The following ASXL2 variants were observed in gnomAD, a reference collection of about 807,000 sequenced individuals.
The protein encoded by ASXL2 is putative Polycomb group protein ASXL2.
Under a neutral mutation model 122.0 loss-of-function variants are expected in ASXL2, and 23 were observed. The ratio of observed to expected loss-of-function variants is 0.19; its 90% CI spans 0.14 to 0.27. The LOEUF (loss-of-function observed/expected upper bound fraction) is 0.27. Ranked by LOEUF, ASXL2 falls within the 10% of genes least tolerant of loss-of-function variation. ASXL2 has a pLI of 1.00. For missense variants in ASXL2, 1,518 were observed against 1,713.8 expected (o/e 0.89, Z 2.02); for synonymous variants, 650 against 637.0 (o/e 1.02, Z -0.31).
At chr2:25,845,342 G>T in intron 2 of ASXL2, 139 bp downstream of exon 2, 1 of 1,357,618 alleles carries the variant, frequency 7.4e-7, no homozygotes, top group Non-Finnish European at 1.0e-6. Flanking sequence ...CTTAAAAAAT[G>T]CCAAAGATCT....
chr2:25,771,503 G>A lies in ASXL2; in HGVS notation c.441C>T (p.Pro147=), dbSNP rs763296030. The A allele has an allele frequency of 1.9e-6, 3 of 1,613,820 alleles. 1 individual carries two copies. In the South Asian group the frequency reaches 3.3e-5, roughly 18 times the overall value. ...SSSPQSGCPS[P]TIPAGKVISP... is the part of the protein sequence containing the mutation. ...AAATGACTTTACCTGCTGGAATGGTGGGTGATGGGCAGCCTGACTGCGGGG... is the reference window on the plus strand; with the variant it reads ...AAATGACTTTACCTGCTGGAATGGTAGGTGATGGGCAGCCTGACTGCGGGG... Residue 147 remains proline (P), a synonymous_variant, in exon 6 of 13, where the codon CCC becomes CCT. Coordinates refer to ENST00000435504, the MANE Select transcript of ASXL2 (RefSeq NM_018263.6).
intron 5 of ASXL2, among the ~76,000 whole-genome samples, chr2:25,777,209 T>C (rs2088559932): frequency 6.6e-6 from 1 of 152,122 alleles, no homozygotes; most frequent in African/African-American, 2.4e-5. Context: ...TACCTTCGCC[T>C]CCTGAGTAGC....
chr2:25,745,618 G>C (rs1225032066), intron 12 of ASXL2, among the ~76,000 whole-genome samples: 1 of 146,570 alleles, frequency 6.8e-6, no homozygotes, highest in East Asian at 2.0e-4. Context: ...ATGTCTATCA[G>C]GTTTGAAACC....
At chr2:25,796,577 C>T (rs768775504) in intron 5 of ASXL2, among the ~76,000 whole-genome samples, 9 of 152,170 alleles carry the variant, frequency 5.9e-5, no homozygotes, top group Non-Finnish European at 1.2e-4. Flanking sequence ...TATTCCCTAA[C>T]GAAAGCTTTT....
rs576602830 is a variant in ASXL2 at position 25,822,906 on chromosome 2, G to GA, written c.143+12631dup. 386 of 542,710 alleles carry GA rather than the reference G, an allele frequency of 7.1e-4. 2 individuals are homozygous for GA. The highest frequency in any genetic ancestry group is 6.9e-3 in the African/African-American group (361 of 52,178). The allele number at this position is 542,710 out of a possible 1,614,324, so 33.6% of individuals were successfully genotyped here. ...ACCAGAAGTAGATGGAGCAGGTGAT[G>GA]ATTCACAAGACAGCGATGATGAAAA... is the stretch of plus-strand genomic sequence containing the variant. On this transcript the variant is annotated intron_variant, in intron 3 of 12. Transcript: ENST00000435504.
chr2:25,781,719 G>C (rs1187888267), intron 5 of ASXL2, among the ~76,000 whole-genome samples: 2 of 147,430 alleles, frequency 1.4e-5, no homozygotes, highest in Admixed American at 6.8e-5. Context: ...GCCTAGGCTG[G>C]AGTGCAGTGG....
At chr2:25,804,601 C>G (rs529234133) in intron 4 of ASXL2, among the ~76,000 whole-genome samples, 12 of 152,328 alleles carry the variant, frequency 7.9e-5, no homozygotes, top group African/African-American at 1.2e-4. Flanking sequence ...ATGATGTCAA[C>G]TGAGTTCCTG....
intron 1 of ASXL2, among the ~76,000 whole-genome samples, chr2:25,876,736 T>C (rs907717139): frequency 6.6e-5 from 10 of 152,186 alleles, no homozygotes; most frequent in Admixed American, 2.6e-4. Context: ...GGGAAACTAC[T>C]AGCACAGGAA....
At chr2:25,858,206 G>C (rs2089803012) in intron 1 of ASXL2, among the ~76,000 whole-genome samples, 1 of 152,102 alleles carries the variant, frequency 6.6e-6, no homozygotes, top group Non-Finnish European at 1.5e-5. Flanking sequence ...TTAGCTTACA[G>C]ATACAAACAA....
intron 2 of ASXL2, among the ~76,000 whole-genome samples, chr2:25,841,844 G>A (rs1048687634): frequency 2.6e-5 from 4 of 152,054 alleles, no homozygotes; most frequent in African/African-American, 9.7e-5. Flanking sequence ...CTACTCGGGA[G>A]GCTGAGGCAG....
chr2:25,751,796 T>C (rs997516302), intron 11 of ASXL2, among the ~76,000 whole-genome samples: 1 of 152,134 alleles, frequency 6.6e-6, no homozygotes, highest in African/African-American at 2.4e-5. Flanking sequence ...CTCTTTTTTT[T>C]TTTGAGACAA....
intron 2 of ASXL2, among the ~76,000 whole-genome samples, chr2:25,842,154 T>C (rs1200075114): frequency 6.7e-6 from 1 of 149,696 alleles, no homozygotes; most frequent in South Asian, 2.1e-4. Context: ...CACAGAACAC[T>C]ACAACAAACT....
intron 1 of ASXL2, among the ~76,000 whole-genome samples, chr2:25,876,268 A>T (rs2090009137): frequency 6.6e-6 from 1 of 152,242 alleles, no homozygotes; most frequent in Admixed American, 6.5e-5. Context: ...TAGCTAGGGC[A>T]TGAAATGAGC....
rs754127410 is a variant in ASXL2, at chr2:25,742,611, A to T, written c.3726T>A (p.Thr1242=). 33 of 1,613,950 alleles carry T rather than the reference A, an allele frequency of 2.0e-5. No homozygotes were observed. The highest frequency in any genetic ancestry group is 2.7e-5 in the Non-Finnish European group (32 of 1,179,900). The change falls in exon 13 of 13, where the codon ACT becomes ACA. Residue 1242 remains threonine (T), a synonymous_variant. Coordinates refer to ENST00000435504, the MANE Select transcript of ASXL2 (RefSeq NM_018263.6). The stretch of plus-strand genomic sequence containing the variant: ...TGAACAGGTAATTCTCCTTACTTAA[A>T]GTGGTTTGCTCATTCAATGGTATCT... ...KAEIPLNEQT[T]LSKENYLFTR...
chr2:25,845,011 C>T (rs756942201), intron 2 of ASXL2, among the ~76,000 whole-genome samples: 12 of 152,138 alleles, frequency 7.9e-5, no homozygotes, highest in Non-Finnish European at 1.8e-4. Flanking sequence ...TGGCCCAAGT[C>T]TATTATATTT....
chr2:25,833,703 A>C (rs1236245219), intron 3 of ASXL2, among the ~76,000 whole-genome samples: 5 of 152,092 alleles, frequency 3.3e-5, no homozygotes, highest in African/African-American at 1.2e-4. Context: ...CTCAAAAAAA[A>C]AAAAGCTTAA....
intron 1 of ASXL2, among the ~76,000 whole-genome samples, chr2:25,852,603 T>C (rs2089729362): frequency 6.6e-6 from 1 of 151,860 alleles, no homozygotes; most frequent in Admixed American, 6.6e-5. Flanking sequence ...TACCAGTAAA[T>C]CAGATCAGCC....
At chr2:25,762,665 G>GAAAAAAAAAAA (rs60065368) in intron 8 of ASXL2, among the ~76,000 whole-genome samples, 55 of 34,248 alleles carry the variant, frequency 1.6e-3, no homozygotes, top group Admixed American at 2.6e-3. Context: ...ACTCTTTCTC[G>GAAAAAAAAAAA]AAAAAAAAAA....
At chr2:25,747,171 C>A (rs1574393208) in intron 12 of ASXL2, among the ~76,000 whole-genome samples, 1 of 152,138 alleles carries the variant, frequency 6.6e-6, no homozygotes, top group East Asian at 1.9e-4. Flanking sequence ...ACTGCATTAA[C>A]CTTGAGGATG....
Sources: allele counts gnomAD v4.1 joint callset (sites outside exome capture counted in the v4.1 genomes callset), GRCh38; gene constraint gnomAD v4.1.1; transcripts MANE v1.5; gene names NCBI Gene and HGNC (gene_info 2026-07-23, HGNC 2026-07-21).